The following RPAP1 variants were observed in gnomAD, a reference collection of about 807,000 sequenced individuals.
RPAP1 encodes the protein RNA polymerase II-associated protein 1.
Under a neutral mutation model 142.4 loss-of-function variants are expected in RPAP1, and 109 were observed. The ratio of observed to expected loss-of-function variants is 0.77; its 90% confidence interval spans 0.66 to 0.90. The LOEUF (loss-of-function observed/expected upper bound fraction) is 0.90. RPAP1 is among the 40% of genes least tolerant of loss of function. The pLI, the probability that RPAP1 is intolerant of heterozygous loss-of-function variation, is 0.00. For synonymous variants in RPAP1, 704 were observed against 738.9 expected (o/e 0.95, Z 0.77); for missense variants, 1,546 against 1,751.7 (o/e 0.88, Z 2.10).
At chr15:41,523,676 G>C in intron 17 of RPAP1, 95 bp downstream of exon 17, 1 of 1,020,878 alleles carries the variant, frequency 9.8e-7, no homozygotes, top group African/African-American at 1.6e-5. Context: ...GGGGAAGTAG[G>C]AGTGGAGAGA....
rs766157805 is a variant in RPAP1 at position 41,520,547 on chromosome 15, G to A, written c.3639C>T (p.Asn1213=). 14 of 1,614,100 alleles carry A rather than the reference G, an allele frequency of 8.7e-6. No homozygotes were observed. Among genetic ancestry groups the A allele is most frequent in the Non-Finnish European group, 1.2e-5 (14 of 1,180,052 alleles). ...AGACAGCCTCAAAATGATCCAGGAA[G>A]TTGGCATAGAGGTCAGGGAAAGACG... is the stretch of plus-strand genomic sequence containing the variant. ...GLTSFPDLYA[N]FLDHFEAVSF... Residue 1213 remains asparagine (N), a synonymous_variant, in exon 22 of 25, where the codon AAC becomes AAT. Coordinates refer to ENST00000304330, the MANE Select transcript of RPAP1 (RefSeq NM_015540.4).
intron 22 of RPAP1, chr15:41,519,856 T>C (rs115125555): frequency 0.016 from 2,629 of 161,228 alleles, 42 homozygotes; most frequent in South Asian, 0.051. Flanking sequence ...TTATCTAGAT[T>C]GTAGCACTGA....
chr15:41,535,629 T>G lies in RPAP1; in HGVS notation c.424A>C (p.Lys142Gln). The G allele has an allele frequency of 6.2e-7, 1 of 1,611,116 alleles. No homozygotes were observed. Among genetic ancestry groups the G allele is most frequent in the Non-Finnish European group, 8.5e-7 (1 of 1,179,244 alleles). ...CTTCTCTTACCAGATGTTGCTGATT[T>G]CCCCTGTGGGGCAAAAAGAAAACCC... ...VFLRSRDTQGKSATSGKRSIF... is the reference protein window; with the variant it reads ...VFLRSRDTQGQSATSGKRSIF... The change falls in exon 5 of 25, where the codon AAA becomes CAA. Residue 142 changes from lysine (K) to glutamine (Q), a missense_variant. Physicochemically the swap from Lys to Gln is moderately conservative, Grantham distance 53. Coordinates refer to ENST00000304330, the MANE Select transcript of RPAP1 (RefSeq NM_015540.4).
chr15:41,527,644 G>T, intron 11 of RPAP1, 39 bp from the exon 12 acceptor site: 2 of 1,576,542 alleles, frequency 1.3e-6, no homozygotes, highest in Non-Finnish European at 1.7e-6. Context: ...ATGCTGAAGG[G>T]GCCAGGAAAT....
intron 17 of RPAP1, 95 bp downstream of exon 17, chr15:41,523,676 G>A: frequency 2.9e-6 from 3 of 1,020,876 alleles, no homozygotes; most frequent in Non-Finnish European, 4.4e-6. Flanking sequence ...GGGGAAGTAG[G>A]AGTGGAGAGA....
chr15:41,536,706 G>A, intron 2 of RPAP1, 57 bp from the exon 3 acceptor site: 2 of 1,581,488 alleles, frequency 1.3e-6, no homozygotes, highest in Non-Finnish European at 1.7e-6. Context: ...GGAAGACACT[G>A]CAGGCTAGGG....
At position 41,537,117 on chromosome 15, in the gene RPAP1, C is replaced by T. The variant is rs1163800764; in HGVS notation, c.9G>A (p.Ser3=). 1 of 1,613,876 alleles carries T rather than the reference C, an allele frequency of 6.2e-7. No individual in the cohort carries two copies. The highest frequency in any genetic ancestry group is 8.5e-7 in the Non-Finnish European group (1 of 1,179,914). ML[S]RPKPGESEVD... ...CCTCGGACTCCCCTGGCTTCGGTCTCGACAGCATCTTGCTGCTCCAGCTGC... is the reference window on the plus strand; with the variant it reads ...CCTCGGACTCCCCTGGCTTCGGTCTTGACAGCATCTTGCTGCTCCAGCTGC... The change falls in exon 2 of 25, where the codon TCG becomes TCA. Residue 3 remains serine (S), a synonymous_variant. Transcript: ENST00000304330.
At chr15:41,530,588 T>G (rs1400773319) in intron 7 of RPAP1, among the ~76,000 whole-genome samples, 1 of 152,224 alleles carries the variant, frequency 6.6e-6, no homozygotes, top group African/African-American at 2.4e-5. Context: ...CCTCTCTGCT[T>G]CTGGTCTGGC....
intron 20 of RPAP1, 100 bp downstream of exon 20, chr15:41,521,998 A>G: frequency 8.3e-6 from 13 of 1,559,540 alleles, no homozygotes; most frequent in Non-Finnish European, 1.1e-5. Flanking sequence ...GTCTGGAGGA[A>G]AGTGGGAGCT....
chr15:41,537,147 C>G lies in RPAP1; in HGVS notation c.-22G>C, dbSNP rs200663385. 4 of 1,608,516 alleles carry G rather than the reference C, an allele frequency of 2.5e-6. No individual in the cohort carries two copies. In the Admixed American group the frequency reaches 5.1e-5, roughly 20 times the overall value. On this transcript the variant is annotated 5_prime_UTR_variant, in exon 2 of 25. Coordinates refer to ENST00000304330, the MANE Select transcript of RPAP1 (RefSeq NM_015540.4). ...GCATCTTGCTGCTCCAGCTGCCTCC[C>G]CAGTACGACTCTCTCCAGCAGTGTC... is the stretch of plus-strand genomic sequence containing the variant.
chr15:41,518,678 C>CAAA (rs112073549), intron 22 of RPAP1, among the ~76,000 whole-genome samples: 3 of 136,450 alleles, frequency 2.2e-5, no homozygotes, highest in Non-Finnish European at 4.7e-5. Flanking sequence ...GACTCCGTCT[C>CAAA]AAAAAAAAAA....
In RPAP1 at chr15:41,534,699, G is replaced by A. The variant is rs200972470; in HGVS notation, c.763+15C>T. 4 of 1,586,776 alleles carry A rather than the reference G, an allele frequency of 2.5e-6. No homozygotes were observed. The highest frequency in any genetic ancestry group is 1.7e-4 in the Middle Eastern group (1 of 5,852). On this transcript the variant is annotated intron_variant, in intron 6 of 24. Coordinates refer to ENST00000304330, the MANE Select transcript of RPAP1 (RefSeq NM_015540.4). ...CTCCTAGCCTGGTCTCAGCAGGAAAGCCAGGCACCCATACCAAGCTGGGCC... is the reference window on the plus strand; with the variant it reads ...CTCCTAGCCTGGTCTCAGCAGGAAAACCAGGCACCCATACCAAGCTGGGCC...
At chr15:41,530,976 T>A (rs1332775686) in intron 7 of RPAP1, 47 bp downstream of exon 7, 9 of 1,557,290 alleles carry the variant, frequency 5.8e-6, no homozygotes, top group Non-Finnish European at 7.9e-6. Flanking sequence ...AAGGGACAAT[T>A]TCCCCTACTT....
rs1415465699 is a variant in RPAP1, at chr15:41,536,112, A to G, written c.420+17T>C. On this transcript the variant is annotated intron_variant, in intron 4 of 24. Transcript: ENST00000304330. ...CTGTCTGTCTCCTGAGCACCACCTA[A>G]GCTTACCCTTGCCTACCTGTGTGTC... is the stretch of plus-strand genomic sequence containing the variant. The G allele has an allele frequency of 6.2e-7, 1 of 1,607,968 alleles. No homozygotes were observed. Among genetic ancestry groups the G allele is most frequent in the Non-Finnish European group, 8.5e-7 (1 of 1,174,544 alleles).
intron 6 of RPAP1, 93 bp from the exon 7 acceptor site, chr15:41,531,295 G>A (rs2051845042): frequency 7.7e-7 from 1 of 1,300,430 alleles, no homozygotes; most frequent in Non-Finnish European, 1.1e-6. Flanking sequence ...CTGTCTGTGG[G>A]TGCCAAGGAC....
intron 2 of RPAP1, 55 bp downstream of exon 2, chr15:41,536,890 G>C: frequency 6.3e-7 from 1 of 1,574,810 alleles, no homozygotes; most frequent in Non-Finnish European, 8.7e-7. Context: ...GGAAGAGGGA[G>C]GGGCCCGAGG....
intron 20 of RPAP1, 81 bp downstream of exon 20, chr15:41,522,017 T>A: frequency 6.3e-7 from 1 of 1,577,212 alleles, no homozygotes. Flanking sequence ...CTGCATGGCC[T>A]GGCAGAAGCA....
At chr15:41,529,436 G>A (rs760298358) in intron 9 of RPAP1, 34 bp downstream of exon 9, 2 of 1,425,186 alleles carry the variant, frequency 1.4e-6, no homozygotes, top group Non-Finnish European at 2.0e-6. Flanking sequence ...GTTGTTAAAA[G>A]AGCTGCCCCA....
Position 41,517,635 on chromosome 15 carries a change from G to A in RPAP1, c.4089C>T (p.Gly1363=). The A allele has an allele frequency of 2.5e-6, 4 of 1,612,660 alleles. No individual in the cohort carries two copies. The highest frequency in any genetic ancestry group is 3.4e-6 in the Non-Finnish European group (4 of 1,179,204). Residue 1363 remains glycine (G), a synonymous_variant, in exon 25 of 25, where the codon GGC becomes GGT. Coordinates refer to ENST00000304330, the MANE Select transcript of RPAP1 (RefSeq NM_015540.4). ...YKLPNSTLPE[G]FELYSQLPPL... The stretch of plus-strand genomic sequence containing the variant: ...GGGGCAACTGAGAATAGAGCTCAAA[G>A]CCCTCTGGGAGCGTGGAATTGGGAA...
Sources: gnomAD v4.1 joint callset for allele counts (sites outside exome capture counted in the v4.1 genomes callset) on GRCh38, gnomAD v4.1.1 for gene constraint, MANE v1.5 for transcripts, NCBI Gene and HGNC (gene_info 2026-07-23, HGNC 2026-07-21) for gene names.